The following KIAA1671 variants were observed in gnomAD, a reference collection of about 807,000 sequenced individuals.
The protein encoded by KIAA1671 is KIAA1671.
Under a neutral mutation model 131.2 loss-of-function variants are expected in KIAA1671, and 52 were observed. The observed-to-expected ratio is 0.40, with a 90% confidence interval of 0.32 to 0.50. The LOEUF (loss-of-function observed/expected upper bound fraction) is 0.50, where lower values mean the gene tolerates loss of function less well. Among genes scored for constraint, KIAA1671 ranks in the 20% least tolerant of loss-of-function variants. KIAA1671 has a pLI of 0.73. For synonymous variants in KIAA1671, 1,003 were observed against 961.6 expected (o/e 1.04, Z -0.80); for missense variants, 2,360 against 2,364.2 (o/e 1.00, Z 0.04).
chr22:24,968,704 AT>A lies in KIAA1671; in HGVS notation c.-208+15934del, dbSNP rs141886647. Among the ~76,000 whole-genome samples, 626 of 152,236 alleles carry A rather than the reference AT, an allele frequency of 4.1e-3. 3 individuals carry two copies. The highest frequency in any genetic ancestry group is 0.014 in the African/African-American group (576 of 41,544). On this transcript the variant is annotated intron_variant, in intron 1 of 12. Transcript: ENST00000358431. Reference sequence around the variant, plus strand: ...ATGGAGCTGTCTGGAGTACTGAGACATTCCCAGACTTTTATTGATTACATAA... The same window carrying A: ...ATGGAGCTGTCTGGAGTACTGAGACATCCCAGACTTTTATTGATTACATAA...
At chr22:25,103,504 G>A (rs1046723731) in intron 6 of KIAA1671, among the ~76,000 whole-genome samples, 17 of 152,102 alleles carry the variant, frequency 1.1e-4, no homozygotes, top group Non-Finnish European at 1.9e-4. Context: ...GACTACAGGC[G>A]CCTGCCACCA....
At chr22:25,053,236 C>G (rs1438680491) in intron 6 of KIAA1671, 1 of 152,212 alleles carries the variant, frequency 6.6e-6, no homozygotes, top group Non-Finnish European at 1.5e-5. Context: ...TCTGTTTCTC[C>G]CCATCTCCCT....
chr22:24,999,725 G>GGT (rs1341756881), intron 1 of KIAA1671, among the ~76,000 whole-genome samples: 4 of 147,530 alleles, frequency 2.7e-5, no homozygotes, highest in Admixed American at 2.1e-4. Context: ...ACTATGCCTG[G>GGT]CTAACTGTTC....
intron 6 of KIAA1671, among the ~76,000 whole-genome samples, chr22:25,129,918 A>C (rs1036940974): frequency 6.6e-6 from 1 of 152,194 alleles, no homozygotes; most frequent in Non-Finnish European, 1.5e-5. Flanking sequence ...CTCATAGAAC[A>C]GTGCCTGGCA....
intron 6 of KIAA1671, among the ~76,000 whole-genome samples, 158 bp from the exon 7 acceptor site, chr22:25,170,662 T>C (rs1933815117): frequency 6.6e-6 from 1 of 152,204 alleles, no homozygotes; most frequent in Non-Finnish European, 1.5e-5. Context: ...TTGGTCACGC[T>C]AGTGCCCAGC....
At chr22:25,052,426 T>C (rs1282112560) in intron 6 of KIAA1671, 7 of 152,230 alleles carry the variant, frequency 4.6e-5, no homozygotes, top group Non-Finnish European at 8.8e-5. Context: ...TTTCCTCCTC[T>C]ATAAAGTGGA....
intron 6 of KIAA1671, among the ~76,000 whole-genome samples, chr22:25,149,652 C>A (rs982533998): frequency 5.9e-5 from 9 of 152,098 alleles, no homozygotes; most frequent in African/African-American, 2.2e-4. Flanking sequence ...ATCGCTTTGC[C>A]CTGCCTTGGG....
chr22:25,108,360 C>G (rs1883279), intron 6 of KIAA1671, among the ~76,000 whole-genome samples: 93,885 of 152,048 alleles, frequency 0.62, 30,097 homozygotes, highest in African/African-American at 0.79. Context: ...CTGGGGCCAG[C>G]GGGGAGGACT....
intron 1 of KIAA1671, among the ~76,000 whole-genome samples, chr22:24,958,510 C>T (rs143180407): frequency 2.2e-4 from 34 of 151,316 alleles, no homozygotes; most frequent in African/African-American, 7.8e-4. Context: ...ATCAGCCAGG[C>T]GTGGTGGTGG....
intron 1 of KIAA1671, among the ~76,000 whole-genome samples, chr22:24,970,356 T>TAGGGC (rs1384745359): frequency 3.2e-4 from 48 of 152,088 alleles, no homozygotes; most frequent in Non-Finnish European, 2.9e-5. Flanking sequence ...GGGGGAGCCA[T>TAGGGC]AGGGCAGGGC....
chr22:25,074,496 C>CAAAAA (rs759898395), intron 6 of KIAA1671, among the ~76,000 whole-genome samples: 46 of 63,654 alleles, frequency 7.2e-4, no homozygotes, highest in South Asian at 1.1e-3. Flanking sequence ...GGCTGTGTCT[C>CAAAAA]AAAAAAAAAA....
In KIAA1671 at chr22:25,134,832, G is replaced by A. The variant is rs1483086761; in HGVS notation, c.4531-35988G>A. On this transcript the variant is annotated intron_variant, in intron 6 of 12. Transcript: ENST00000358431. Reference sequence around the variant, plus strand: ...CTGGGGTAAACTCCTTAACTTCTCTGAACCTCAGTTTCTTCTCAGGTAAAT... The same window carrying A: ...CTGGGGTAAACTCCTTAACTTCTCTAAACCTCAGTTTCTTCTCAGGTAAAT... Among the ~76,000 whole-genome samples the A allele has an allele frequency of 2.0e-5, 3 of 152,180 alleles. No homozygotes were observed. In the South Asian group the frequency reaches 6.2e-4, roughly 32 times the overall value.
At chr22:25,141,180 C>T (rs1341187145) in intron 6 of KIAA1671, among the ~76,000 whole-genome samples, 2 of 152,140 alleles carry the variant, frequency 1.3e-5, no homozygotes, top group East Asian at 3.8e-4. Context: ...AGTAAATTCA[C>T]CCACATTTTA....
intron 6 of KIAA1671, among the ~76,000 whole-genome samples, chr22:25,067,279 A>C (rs1928527187): frequency 7.1e-6 from 1 of 141,356 alleles, no homozygotes; most frequent in Admixed American, 7.0e-5. Flanking sequence ...GGACCTTTGA[A>C]CGTCTCTTTT....
At chr22:25,008,882 G>A (rs1335439915) in intron 1 of KIAA1671, among the ~76,000 whole-genome samples, 1 of 152,214 alleles carries the variant, frequency 6.6e-6, no homozygotes, top group Non-Finnish European at 1.5e-5. Flanking sequence ...CCCAGAAATA[G>A]GTCTGTTGTC....
chr22:25,041,304 G>T lies in KIAA1671; in HGVS notation c.4174G>T (p.Gly1392Cys), dbSNP rs1244251388. 1 of 1,551,656 alleles carries T rather than the reference G, an allele frequency of 6.4e-7. No homozygotes were observed. The highest frequency in any genetic ancestry group is 1.4e-5 in the African/African-American group (1 of 73,062). ...AGAGGAGGACAGTGTGGCCCAGTGG[G>T]GTGACCACCCACGTGACTGTGGACG... is the stretch of plus-strand genomic sequence containing the variant. ...RGEEDSVAQW[G>C]DHPRDCGRVP... is the part of the protein sequence containing the mutation. The change falls in exon 5 of 13, where the codon GGT becomes TGT. Residue 1392 changes from glycine to cysteine, a missense_variant. Physicochemically the swap from Gly to Cys is radical, Grantham distance 159 (BLOSUM62 -3). This residue lies in a region of KIAA1671 where 1,161 missense variants were observed against 1,204.7 expected (regional missense o/e 0.96). Transcript: ENST00000358431.
chr22:25,026,956 C>G (rs894262940), intron 2 of KIAA1671, among the ~76,000 whole-genome samples: 3 of 152,110 alleles, frequency 2.0e-5, no homozygotes, highest in African/African-American at 7.2e-5. Context: ...GAACAAGAGG[C>G]TTATGCCCCA....
chr22:25,149,937 C>T (rs1932979905), intron 6 of KIAA1671, among the ~76,000 whole-genome samples: 1 of 152,214 alleles, frequency 6.6e-6, no homozygotes, highest in African/African-American at 2.4e-5. Context: ...CTCCCCATGC[C>T]CTTCGTCTGT....
At chr22:25,066,582 C>G (rs1928485587) in intron 6 of KIAA1671, among the ~76,000 whole-genome samples, 1 of 152,208 alleles carries the variant, frequency 6.6e-6, no homozygotes, top group South Asian at 2.1e-4. Context: ...TTTGGAGAAA[C>G]ACATACATTC....
Sources: allele counts gnomAD v4.1 joint callset (sites outside exome capture counted in the v4.1 genomes callset), GRCh38; gene constraint gnomAD v4.1.1; regional missense constraint gnomAD v4.1.1; transcripts MANE v1.5; gene names NCBI Gene and HGNC (gene_info 2026-07-23, HGNC 2026-07-21).